The following GSE1 variants were observed in gnomAD, a reference collection of about 807,000 sequenced individuals.
GSE1 encodes the protein genetic suppressor element 1.
GSE1 carries 32 observed loss-of-function variants against 112.6 expected under a neutral mutation model. That is an observed-to-expected ratio of 0.28 (90% confidence interval 0.21 to 0.38). The LOEUF is 0.38. Ranked by LOEUF, GSE1 falls within the 10% of genes least tolerant of loss-of-function variation. The pLI is 1.00. For synonymous variants in GSE1, 1,115 were observed against 735.6 expected, an observed-to-expected ratio of 1.52 and a Z score of -8.35; for missense variants, 2,348 against 1,699.2, an observed-to-expected ratio of 1.38 and a Z score of -6.71.
At position 85,648,600 on chromosome 16, in the gene GSE1, A is replaced by T; in HGVS notation, c.275A>T (p.Asn92Ile). Residue 92 changes from asparagine to isoleucine, a missense_variant, in exon 3 of 16, where the codon AAC (asparagine) becomes ATC (isoleucine). Physicochemically the swap from Asn to Ile is moderately radical, Grantham distance 149 (BLOSUM62 -3). Coordinates refer to ENST00000253458, the MANE Select transcript of GSE1 (RefSeq NM_014615.5). ...TCCCCCGTGTCCTCTCCGGCCACCAACCACAGCTCCCCCGCCAGCACACCC... is the reference window on the plus strand; with the variant it reads ...TCCCCCGTGTCCTCTCCGGCCACCATCCACAGCTCCCCCGCCAGCACACCC... ...ESSPVSSPATNHSSPASTPKR... is the reference protein window; with the variant it reads ...ESSPVSSPATIHSSPASTPKR... 1 of 1,604,846 alleles carries T rather than the reference A, an allele frequency of 6.2e-7. No homozygotes were observed. The highest frequency in any genetic ancestry group is 8.5e-7 in the Non-Finnish European group (1 of 1,175,772).
chr16:85,308,252 A>T (rs2045735048), intron 1 of GSE1, among the ~76,000 whole-genome samples: 1 of 152,192 alleles, frequency 6.6e-6, no homozygotes, highest in Admixed American at 6.5e-5. Context: ...TCTCAGAGGG[A>T]GAGCTGGGGA....
chr16:85,481,279 C>G (rs1281241115), intron 2 of GSE1, among the ~76,000 whole-genome samples: 1 of 152,180 alleles, frequency 6.6e-6, no homozygotes, highest in Non-Finnish European at 1.5e-5. Flanking sequence ...TGAAAAATTT[C>G]CTGAGATAAA....
chr16:85,403,054 G>A (rs571674958), intron 2 of GSE1, among the ~76,000 whole-genome samples: 2 of 151,098 alleles, frequency 1.3e-5, no homozygotes, highest in Non-Finnish European at 3.0e-5. Flanking sequence ...GGCTTGGCTG[G>A]GGAAGGATCT....
intron 1 of GSE1, among the ~76,000 whole-genome samples, chr16:85,619,489 G>A (rs991494450): frequency 1.3e-5 from 2 of 152,226 alleles, no homozygotes; most frequent in African/African-American, 4.8e-5. Flanking sequence ...TTCTGGGTTG[G>A]GGGGCAAAGC....
chr16:85,516,255 A>G (rs1403639521), intron 2 of GSE1, among the ~76,000 whole-genome samples: 1 of 151,898 alleles, frequency 6.6e-6, no homozygotes, highest in Non-Finnish European at 1.5e-5. Flanking sequence ...CTGTGATCTC[A>G]GGACCTTGGG....
intron 1 of GSE1, among the ~76,000 whole-genome samples, chr16:85,333,235 A>C (rs1207941631): frequency 1.3e-5 from 2 of 152,040 alleles, no homozygotes; most frequent in African/African-American, 4.8e-5. Context: ...CTCTTTCCTC[A>C]GGGAAGCCTC....
intron 1 of GSE1, among the ~76,000 whole-genome samples, chr16:85,299,734 C>T (rs572274479): frequency 3.3e-5 from 5 of 152,066 alleles, no homozygotes; most frequent in Non-Finnish European, 7.4e-5. Context: ...TCAAGACCAG[C>T]CTGGGCAACA....
chr16:85,651,314 G>A (rs2051333839), intron 3 of GSE1, among the ~76,000 whole-genome samples: 2 of 151,930 alleles, frequency 1.3e-5, no homozygotes, highest in African/African-American at 4.8e-5. Flanking sequence ...GTTCCCAGGT[G>A]TCTGTGCCAG....
chr16:85,411,102 TAC>T, intron 2 of GSE1, among the ~76,000 whole-genome samples: 1 of 118,116 alleles, frequency 8.5e-6, no homozygotes, highest in Non-Finnish European at 1.6e-5. Context: ...TCCTCACTGT[TAC>T]ACTCAGGCCC....
chr16:85,524,028 C>T (rs2052280778), intron 2 of GSE1, among the ~76,000 whole-genome samples: 1 of 152,206 alleles, frequency 6.6e-6, no homozygotes, highest in South Asian at 2.1e-4. Flanking sequence ...CTGCCTTGAG[C>T]CCTGTCTCCC....
intron 1 of GSE1, among the ~76,000 whole-genome samples, chr16:85,280,306 C>T (rs1328847214): frequency 6.6e-6 from 1 of 152,196 alleles, no homozygotes; most frequent in African/African-American, 2.4e-5. Flanking sequence ...GCTTCTCTGG[C>T]CAAGGCCCCA....
At chr16:85,628,221 A>T (rs2049244163) in intron 1 of GSE1, among the ~76,000 whole-genome samples, 1 of 152,210 alleles carries the variant, frequency 6.6e-6, no homozygotes, top group African/African-American at 2.4e-5. Context: ...CTAATTTTAG[A>T]TTCCCCCTAA....
intron 1 of GSE1, among the ~76,000 whole-genome samples, chr16:85,560,551 TGCTG>T (rs1163285359): frequency 6.6e-6 from 1 of 152,106 alleles, no homozygotes; most frequent in Non-Finnish European, 1.5e-5. Flanking sequence ...CGTGAGGGGA[TGCTG>T]GCTGCAGGGA....
intron 1 of GSE1, among the ~76,000 whole-genome samples, chr16:85,598,919 C>T (rs999680782): frequency 7.2e-5 from 11 of 152,220 alleles, no homozygotes; most frequent in Non-Finnish European, 1.5e-4. Context: ...ATTGGAGCAT[C>T]GGGGCAGTGG....
At chr16:85,312,208 G>GGT (rs1555559874) in intron 1 of GSE1, among the ~76,000 whole-genome samples, 1 of 149,306 alleles carries the variant, frequency 6.7e-6, no homozygotes, top group East Asian at 1.9e-4. Context: ...CTCTTGCGGG[G>GGT]GGGGGGGGGA....
upstream of GSE1, chr16:85,555,854 C>A: frequency 1.1e-6 from 1 of 919,954 alleles, no homozygotes; most frequent in South Asian, 5.0e-5. Context: ...TGAGTAATCC[C>A]TGAAGATCTT....
chr16:85,195,837 TAAA>T (rs2074916582), intron 1 of GSE1, among the ~76,000 whole-genome samples: 1 of 152,086 alleles, frequency 6.6e-6, no homozygotes, highest in Admixed American at 6.5e-5. Context: ...TACACAGAGT[TAAA>T]AAATAAAACA....
chr16:85,321,185 C>T (rs1359453970), intron 1 of GSE1, among the ~76,000 whole-genome samples: 1 of 152,186 alleles, frequency 6.6e-6, no homozygotes, highest in Admixed American at 6.5e-5. Context: ...TCCTGGCACA[C>T]AGTAGGTGCT....
intron 1 of GSE1, among the ~76,000 whole-genome samples, chr16:85,331,323 CTGTGTGTGTG>C (rs71151278): frequency 0.14 from 11,640 of 83,496 alleles, 1,560 homozygotes; most frequent in South Asian, 0.16. Flanking sequence ...CAGCTAATTT[CTGTGTGTGTG>C]TGTGTGTGTG....
Sources: allele counts gnomAD v4.1 joint callset (sites outside exome capture counted in the v4.1 genomes callset), GRCh38; gene constraint gnomAD v4.1.1; transcripts MANE v1.5; gene names NCBI Gene and HGNC (gene_info 2026-07-23, HGNC 2026-07-21).